Variants in HPX observed in about 807,000 individuals in gnomAD.
The protein encoded by HPX is hemopexin.
HPX carries 42 observed loss-of-function variants against 53.8 expected under a neutral mutation model. That is an observed-to-expected ratio of 0.78 (90% CI 0.61 to 1.01). The LOEUF is 1.01. Among genes scored for constraint, HPX ranks in the 50% least tolerant of loss-of-function variants. The probability of loss-of-function intolerance (pLI) is 0.00; values close to 1 mark genes in which losing one functional copy is unlikely to be tolerated. For missense variants in HPX, 547 were observed against 594.3 expected (o/e 0.92, Z 0.83); for synonymous variants, 229 against 221.1 (o/e 1.04, Z -0.32).
At chr11:6,438,610 T>G in intron 4 of HPX, 101 bp from the exon 5 acceptor site, 2 of 1,022,312 alleles carry the variant, frequency 2.0e-6, no homozygotes, top group Non-Finnish European at 3.0e-6. Flanking sequence ...GATATCCTCC[T>G]GTGGCCCTAC....
At chr11:6,436,983 G>A (rs904906090) in intron 7 of HPX, 63 bp downstream of exon 7, 4 of 1,564,064 alleles carry the variant, frequency 2.6e-6, no homozygotes, top group Non-Finnish European at 3.5e-6. Context: ...AATGTGTCAA[G>A]GATGGGAGAT....
At chr11:6,435,865 C>T (rs1849409278) in intron 7 of HPX, among the ~76,000 whole-genome samples, 1 of 152,212 alleles carries the variant, frequency 6.6e-6, no homozygotes, top group Admixed American at 6.5e-5. Context: ...TCATTATGGC[C>T]ACATGGCCTT....
chr11:6,439,750 T>G (rs572754686), intron 4 of HPX: 228 of 239,706 alleles, frequency 9.5e-4, no homozygotes, highest in Non-Finnish European at 5.1e-4. Flanking sequence ...ACAGCCTGGG[T>G]CACATGGGAC....
intron 7 of HPX, 21 bp from the exon 8 acceptor site, chr11:6,432,038 C>G: frequency 6.2e-7 from 1 of 1,613,628 alleles, no homozygotes; most frequent in Non-Finnish European, 8.5e-7. Flanking sequence ...CCATAGGTTG[C>G]TCTAGGGCCG....
rs774360777 is a variant in HPX, at chr11:6,437,679, T to G, written c.491-27A>C. ...TTTGTCCAATCAATCAACAGGCATTTGGTGAGACCGGGTTACGCCCTCCTT... is the reference window on the plus strand; with the variant it reads ...TTTGTCCAATCAATCAACAGGCATTGGGTGAGACCGGGTTACGCCCTCCTT... On this transcript the variant is annotated intron_variant, in intron 5 of 9. Transcript: ENST00000265983. 3.8e-6 allele frequency: 6 copies of G among 1,594,178 alleles called. No homozygotes were observed. In the Admixed American group the frequency reaches 1.0e-4, roughly 27 times the overall value.
chr11:6,435,373 G>A (rs891952444), intron 7 of HPX, among the ~76,000 whole-genome samples: 1 of 151,644 alleles, frequency 6.6e-6, no homozygotes, highest in South Asian at 2.1e-4. Flanking sequence ...GGGTCATGTT[G>A]GTGATTTTAC....
At chr11:6,437,707 T>G (rs1340929592) in intron 5 of HPX, 55 bp from the exon 6 acceptor site, 44 of 1,425,048 alleles carry the variant, frequency 3.1e-5, no homozygotes, top group Non-Finnish European at 9.9e-7. Context: ...CCCTCCTTTG[T>G]GCTTTCTCTG....
At chr11:6,435,960 ACTCT>A (rs201749439) in intron 7 of HPX, among the ~76,000 whole-genome samples, 2 of 148,774 alleles carry the variant, frequency 1.3e-5, no homozygotes, top group African/African-American at 2.5e-5. Flanking sequence ...TCTCTCACTC[ACTCT>A]CTCTCTCTTT....
intron 4 of HPX, chr11:6,439,764 G>GT (rs1849460884): frequency 3.7e-6 from 1 of 268,138 alleles, no homozygotes; most frequent in Non-Finnish European, 7.5e-6. Context: ...ATGGGACTTG[G>GT]TGAGCACAGC....
At chr11:6,435,939 T>C (rs1391110201) in intron 7 of HPX, among the ~76,000 whole-genome samples, 1 of 152,182 alleles carries the variant, frequency 6.6e-6, no homozygotes, top group Non-Finnish European at 1.5e-5. Context: ...CCTGTGGCCC[T>C]GTTTTCACAA....
chr11:6,437,257 G>C, intron 6 of HPX, 80 bp from the exon 7 acceptor site: 2 of 1,514,582 alleles, frequency 1.3e-6, no homozygotes, highest in Non-Finnish European at 1.8e-6. Context: ...AGATGGCTGG[G>C]GTTAGTGGGG....
intron 7 of HPX, among the ~76,000 whole-genome samples, chr11:6,436,215 T>C (rs1182994499): frequency 1.3e-5 from 2 of 152,226 alleles, no homozygotes; most frequent in Non-Finnish European, 2.9e-5. Context: ...ACTGGTCAAA[T>C]TTGTCCAAGG....
chr11:6,440,967 G>A lies in HPX; in HGVS notation c.-4C>T. The A allele has an allele frequency of 6.3e-7, 1 of 1,598,494 alleles. No individual in the cohort carries two copies. Among genetic ancestry groups the A allele is most frequent in the Non-Finnish European group, 8.5e-7 (1 of 1,171,238 alleles). The stretch of plus-strand genomic sequence containing the variant: ...GTGCTCCCAGTACCCTAGCCATGCT[G>A]AGCTGCAGAGGCCACAGGACAGCTC... On this transcript the variant is annotated 5_prime_UTR_variant, in exon 1 of 10. Transcript: ENST00000265983.
At chr11:6,438,694 C>T (rs1279554865) in intron 4 of HPX, among the ~76,000 whole-genome samples, 185 bp from the exon 5 acceptor site, 1 of 152,168 alleles carries the variant, frequency 6.6e-6, no homozygotes, top group Non-Finnish European at 1.5e-5. Context: ...TGTGCAAATC[C>T]AGTCACTATT....
chr11:6,439,667 G>A (rs116291669), intron 4 of HPX: 2,187 of 182,916 alleles, frequency 0.012, 50 homozygotes, highest in African/African-American at 0.047. Flanking sequence ...AAACAAAGCC[G>A]ACAGTCAGGA....
At chr11:6,434,165 C>G (rs934772836) in intron 7 of HPX, among the ~76,000 whole-genome samples, 2 of 152,132 alleles carry the variant, frequency 1.3e-5, no homozygotes, top group Non-Finnish European at 2.9e-5. Flanking sequence ...CACTTCTTAT[C>G]AGATGCTCAA....
intron 8 of HPX, 29 bp downstream of exon 8, chr11:6,431,858 C>T (rs1489438065): frequency 1.2e-6 from 2 of 1,613,886 alleles, no homozygotes; most frequent in Non-Finnish European, 1.7e-6. Flanking sequence ...GTCCCAGTCT[C>T]TACCTCAAGC....
At position 6,437,564 on chromosome 11, in the gene HPX, T is replaced by C. The variant is rs1302414717; in HGVS notation, c.579A>G (p.Arg193=). The part of the protein sequence containing the change: ...PAVGNCSSAL[R]WLGRYYCFQG... ...GGAAGCAGTAGTAGCGGCCCAGCCA[T>C]CTCAGGGCAGAGGAGCAGTTCCCAA... Residue 193 remains arginine (R), a synonymous_variant, in exon 6 of 10, where the codon AGA becomes AGG. Coordinates refer to ENST00000265983, the MANE Select transcript of HPX (RefSeq NM_000613.3). 4.3e-6 allele frequency: 7 copies of C among 1,614,060 alleles called. No homozygotes were observed. The highest frequency in any genetic ancestry group is 1.1e-5 in the South Asian group (1 of 91,086).
Position 6,431,669 on chromosome 11 carries a change from A to G in HPX, c.1101T>C (p.Pro367=). ...CCATGATATGGAGCCGAGAAGACCC[A>G]GGGCAGATAAAGGCCGCATCCACAG... ...LDSVDAAFIC[P]GSSRLHIMAG... The change falls in exon 9 of 10, where the codon CCT becomes CCC. Residue 367 remains proline (P), a synonymous_variant. Coordinates refer to ENST00000265983, the MANE Select transcript of HPX (RefSeq NM_000613.3). The G allele has an allele frequency of 6.2e-7, 1 of 1,614,102 alleles. No homozygotes were observed. Among genetic ancestry groups the G allele is most frequent in the Admixed American group, 1.7e-5 (1 of 60,030 alleles).
Sources: allele counts gnomAD v4.1 joint callset (sites outside exome capture counted in the v4.1 genomes callset), GRCh38; gene constraint gnomAD v4.1.1; transcripts MANE v1.5; gene names NCBI Gene and HGNC (gene_info 2026-07-23, HGNC 2026-07-21).